The following BCKDHB variants were observed in gnomAD, a reference collection of about 807,000 sequenced individuals.
BCKDHB encodes the protein 2-oxoisovalerate dehydrogenase subunit beta, mitochondrial.
Under a neutral mutation model 48.5 loss-of-function variants are expected in BCKDHB, and 41 were observed. That is an observed-to-expected ratio of 0.85 (90% CI 0.66 to 1.10). The LOEUF (loss-of-function observed/expected upper bound fraction) is 1.10. Ranked by LOEUF, BCKDHB falls within the 50% of genes least tolerant of loss-of-function variation. BCKDHB has a pLI of 0.00. For missense variants in BCKDHB, 496 were observed against 494.2 expected (o/e 1.00, Z -0.03); for synonymous variants, 201 against 174.8 (o/e 1.15, Z -1.18).
intron 8 of BCKDHB, among the ~76,000 whole-genome samples, chr6:80,217,310 C>T (rs1000164066): frequency 1.3e-5 from 2 of 152,108 alleles, no homozygotes; most frequent in Non-Finnish European, 2.9e-5. Context: ...GTCAATCTTT[C>T]CAAACACGTA....
chr6:80,220,715 CTCTTTTTCTTT>C (rs1477902739), intron 8 of BCKDHB, among the ~76,000 whole-genome samples: 9 of 147,666 alleles, frequency 6.1e-5, no homozygotes, highest in Non-Finnish European at 1.3e-4. Context: ...CAGAGACTAG[CTCTTTTTCTTT>C]TCTTTTTCTT....
At chr6:80,244,501 A>G (rs1298533464) in intron 8 of BCKDHB, among the ~76,000 whole-genome samples, 3 of 152,252 alleles carry the variant, frequency 2.0e-5, no homozygotes, top group African/African-American at 7.2e-5. Flanking sequence ...TAAAGTAATT[A>G]GCATAATTTT....
At chr6:80,220,267 C>T (rs972707483) in intron 8 of BCKDHB, among the ~76,000 whole-genome samples, 2 of 146,622 alleles carry the variant, frequency 1.4e-5, no homozygotes, top group Non-Finnish European at 3.0e-5. Context: ...ATCAAAATTT[C>T]CCCCTTGTAC....
At chr6:80,171,438 G>T in intron 6 of BCKDHB, 48 bp downstream of exon 6, 1 of 1,104,480 alleles carries the variant, frequency 9.1e-7, no homozygotes, top group Non-Finnish European at 1.3e-6. Flanking sequence ...TATATACTTT[G>T]TTTTTTATAG....
intron 6 of BCKDHB, among the ~76,000 whole-genome samples, chr6:80,199,564 G>C (rs115262817): frequency 0.014 from 2,164 of 151,938 alleles, 49 homozygotes; most frequent in African/African-American, 0.049. Flanking sequence ...ATCACCTGAG[G>C]TTAGGAGTTC....
chr6:80,215,459 G>A (rs1676474955), intron 8 of BCKDHB, among the ~76,000 whole-genome samples: 1 of 152,186 alleles, frequency 6.6e-6, no homozygotes, highest in Admixed American at 6.5e-5. Context: ...AGTCCCATGA[G>A]GGCAGGGAAT....
chr6:80,400,789 C>T, the BCKDHB span, among the ~76,000 whole-genome samples: 1 of 152,000 alleles, frequency 6.6e-6, no homozygotes, highest in East Asian at 1.9e-4. Flanking sequence ...GCGCTATTCA[C>T]AATGGCAAAC....
chr6:80,119,203 G>T (rs939384666), intron 1 of BCKDHB, among the ~76,000 whole-genome samples: 3 of 152,098 alleles, frequency 2.0e-5, no homozygotes, highest in African/African-American at 4.8e-5. Context: ...AGAATTGGTT[G>T]ATCCTGGGAG....
At chr6:80,259,366 C>G (rs573578558) in intron 8 of BCKDHB, among the ~76,000 whole-genome samples, 1 of 152,294 alleles carries the variant, frequency 6.6e-6, no homozygotes, top group South Asian at 2.1e-4. Flanking sequence ...TAAAGTGATA[C>G]GCTTTGGCAT....
At chr6:80,316,545 T>G (rs532055865) in intron 9 of BCKDHB, among the ~76,000 whole-genome samples, 1 of 152,222 alleles carries the variant, frequency 6.6e-6, no homozygotes, top group Non-Finnish European at 1.5e-5. Flanking sequence ...GTTTATGATA[T>G]CCATTCTTTA....
rs111862971 is a variant in BCKDHB at position 80,171,209 on chromosome 6, C to T, written c.634-73C>T. The T allele has an allele frequency of 5.3e-4, 425 of 804,750 alleles. 3 individuals carry two copies. The African/African-American group carries it at 6.2e-3, about 12-fold the overall frequency. The allele number at this position is 804,750 out of a possible 1,614,324, so 49.9% of individuals were successfully genotyped here. A position where few individuals can be genotyped will look rare whatever the true frequency, so the allele number is the denominator to read the frequency against. ...TAGTAACAATTGATTATTTAAATATCAGCCCTTCTTAGCAGCGAGTTTACT... is the reference window on the plus strand; with the variant it reads ...TAGTAACAATTGATTATTTAAATATTAGCCCTTCTTAGCAGCGAGTTTACT... On this transcript the variant is annotated intron_variant, in intron 5 of 9. Transcript: ENST00000320393.
chr6:80,329,351 A>C (rs1283608377), intron 9 of BCKDHB, among the ~76,000 whole-genome samples: 2 of 152,316 alleles, frequency 1.3e-5, no homozygotes, highest in Admixed American at 6.5e-5. Flanking sequence ...ATTGTGTCTC[A>C]CTTAGATTAC....
intron 9 of BCKDHB, among the ~76,000 whole-genome samples, chr6:80,324,788 C>T (rs16891673): frequency 0.02 from 3,009 of 152,260 alleles, 91 homozygotes; most frequent in African/African-American, 0.069. Context: ...TCAAAGTTGA[C>T]TTCCCTCATG....
the BCKDHB span, among the ~76,000 whole-genome samples, chr6:80,437,659 CT>C: frequency 6.6e-6 from 1 of 152,148 alleles, no homozygotes; most frequent in East Asian, 1.9e-4. Flanking sequence ...GATCCAGAGC[CT>C]TCCTTTTAGA....
intron 1 of BCKDHB, among the ~76,000 whole-genome samples, chr6:80,107,498 T>TGC (rs1769156406): frequency 7.3e-6 from 1 of 137,652 alleles, no homozygotes; most frequent in Admixed American, 7.1e-5. Context: ...CGCATATATA[T>TGC]GCATATATAT....
chr6:80,252,240 C>T (rs1776866275), intron 8 of BCKDHB, among the ~76,000 whole-genome samples: 1 of 152,150 alleles, frequency 6.6e-6, no homozygotes, highest in African/African-American at 2.4e-5. Flanking sequence ...TTTAAAGTAA[C>T]AGAAATTTCC....
chr6:80,253,236 G>A (rs1006142395), intron 8 of BCKDHB, among the ~76,000 whole-genome samples: 2 of 152,162 alleles, frequency 1.3e-5, no homozygotes, highest in Admixed American at 6.6e-5. Context: ...AGAGAGACCA[G>A]TCTAGTCCTG....
At position 80,133,706 on chromosome 6, in the gene BCKDHB, G is replaced by A. The variant is rs1167179263; in HGVS notation, c.343+4477G>A. Among the ~76,000 whole-genome samples the A allele has an allele frequency of 7.9e-5, 12 of 151,746 alleles. No homozygotes were observed. In the South Asian group the frequency reaches 1.7e-3, roughly 21 times the overall value. ...CACCCAGGCTGGAGTGCAGTAATGC[G>A]ATCACGGCTCACTGTAACCTCTCTC... On this transcript the variant is annotated intron_variant, in intron 3 of 9. Coordinates refer to ENST00000320393, the MANE Select transcript of BCKDHB (RefSeq NM_183050.4).
chr6:80,362,670 T>G, the BCKDHB span, among the ~76,000 whole-genome samples: 1 of 152,168 alleles, frequency 6.6e-6, no homozygotes, highest in Non-Finnish European at 1.5e-5. Flanking sequence ...TTACCTAAAA[T>G]GAGATTTATT....
Sources: allele counts gnomAD v4.1 joint callset (sites outside exome capture counted in the v4.1 genomes callset), GRCh38; gene constraint gnomAD v4.1.1; transcripts MANE v1.5; gene names NCBI Gene and HGNC (gene_info 2026-07-23, HGNC 2026-07-21).